The following SLC35F1 variants were observed in gnomAD, a reference collection of about 807,000 sequenced individuals.
SLC35F1 encodes the protein chromosome 6 open reading frame 169.
Under a neutral mutation model 48.7 loss-of-function variants are expected in SLC35F1, and 14 were observed. The observed-to-expected ratio is 0.29, with a 90% CI of 0.19 to 0.45. The LOEUF (loss-of-function observed/expected upper bound fraction) is 0.45. Ranked by LOEUF, SLC35F1 falls within the 20% of genes least tolerant of loss-of-function variation. SLC35F1 has a pLI of 1.00. For synonymous variants in SLC35F1, 190 were observed against 202.2 expected (o/e 0.94, Z 0.51); for missense variants, 404 against 500.0 (o/e 0.81, Z 1.83).
chr6:117,956,928 T>C (rs1241083711), intron 1 of SLC35F1, among the ~76,000 whole-genome samples: 1 of 152,176 alleles, frequency 6.6e-6, no homozygotes, highest in Non-Finnish European at 1.5e-5. Flanking sequence ...AAATGAAAGC[T>C]GAAAAAGGAG....
chr6:117,929,094 C>T (rs527696970), intron 1 of SLC35F1, among the ~76,000 whole-genome samples: 54 of 152,152 alleles, frequency 3.5e-4, no homozygotes, highest in South Asian at 6.2e-4. Flanking sequence ...ATCATGATTG[C>T]CTTTCTGACC....
rs1266421043 is a variant in SLC35F1 at position 118,117,133 on chromosome 6, G to A, written c.174-37312G>A. On this transcript the variant is annotated intron_variant, in intron 1 of 7. Coordinates refer to ENST00000360388, the MANE Select transcript of SLC35F1 (RefSeq NM_001029858.4). ...GCCCCACTCTTCTTTACCAAAATGA[G>A]ATGGTCATTCTGAGACCTGCAGCAG... 5.3e-5 allele frequency among the ~76,000 whole-genome samples: 8 copies of A among 152,294 alleles called. No individual in the cohort carries two copies. The East Asian group carries it at 1.5e-3, about 29-fold the overall frequency.
rs547308674 is a variant in SLC35F1, at chr6:118,159,969, T to C, written c.349+5349T>C. ...CTTCCCTTTCTTCTGCTACCATTTT[T>C]CCACATTCTTGTTTCTCTAATTCCT... On this transcript the variant is annotated intron_variant, in intron 2 of 7. Coordinates refer to ENST00000360388, the MANE Select transcript of SLC35F1 (RefSeq NM_001029858.4). Among the ~76,000 whole-genome samples the C allele has an allele frequency of 2.0e-5, 3 of 152,366 alleles. No individual in the cohort carries two copies. In the East Asian group the frequency reaches 5.8e-4, roughly 29 times the overall value.
At chr6:118,255,683 G>A (rs1238796430) in intron 3 of SLC35F1, among the ~76,000 whole-genome samples, 1 of 152,170 alleles carries the variant, frequency 6.6e-6, no homozygotes, top group African/African-American at 2.4e-5. Flanking sequence ...GGCACAAGGG[G>A]ACATATACAA....
intron 1 of SLC35F1, among the ~76,000 whole-genome samples, chr6:118,047,744 T>A (rs1317142804): frequency 6.6e-6 from 1 of 152,180 alleles, no homozygotes; most frequent in Non-Finnish European, 1.5e-5. Flanking sequence ...AGATGGTAAC[T>A]GTCCTCAAGG....
At chr6:118,255,757 A>G (rs1775633730) in intron 3 of SLC35F1, among the ~76,000 whole-genome samples, 1 of 152,198 alleles carries the variant, frequency 6.6e-6, no homozygotes, top group African/African-American at 2.4e-5. Context: ...ATTTTTCTAA[A>G]TCCAAAAAAA....
intron 1 of SLC35F1, among the ~76,000 whole-genome samples, chr6:118,112,198 G>A (rs1360914937): frequency 1.3e-5 from 2 of 150,308 alleles, no homozygotes; most frequent in Admixed American, 6.7e-5. Flanking sequence ...GCACGATCTC[G>A]GCTCACTGAA....
chr6:118,121,923 A>C (rs535891757), intron 1 of SLC35F1, among the ~76,000 whole-genome samples: 2 of 152,244 alleles, frequency 1.3e-5, no homozygotes, highest in African/African-American at 2.4e-5. Flanking sequence ...CACTCCCTAC[A>C]TTTGAATAAC....
chr6:118,227,129 C>G (rs771607610), intron 2 of SLC35F1, among the ~76,000 whole-genome samples: 2 of 152,186 alleles, frequency 1.3e-5, no homozygotes, highest in Non-Finnish European at 2.9e-5. Context: ...CCATCATGCT[C>G]AACTGCACAG....
chr6:118,072,763 G>C (rs1054381883), intron 1 of SLC35F1, among the ~76,000 whole-genome samples: 1 of 152,044 alleles, frequency 6.6e-6, no homozygotes, highest in African/African-American at 2.4e-5. Context: ...TTGTGTGGAG[G>C]GTTTTTATTT....
chr6:117,978,833 A>G (rs1387018557), intron 1 of SLC35F1, among the ~76,000 whole-genome samples: 1 of 152,092 alleles, frequency 6.6e-6, no homozygotes, highest in African/African-American at 2.4e-5. Context: ...CATTACTTAC[A>G]CTCCAAAATT....
intron 1 of SLC35F1, among the ~76,000 whole-genome samples, chr6:118,063,474 C>G (rs1772571982): frequency 6.6e-6 from 1 of 152,002 alleles, no homozygotes; most frequent in African/African-American, 2.4e-5. Context: ...AAAATGTATG[C>G]ATTTTTTTCT....
rs932831273 is a variant in SLC35F1 at position 118,069,079 on chromosome 6, AT to A, written c.174-85365del. ...TTGAGATAGTTAAGAGAATAAAAAA[AT>A]GATATAAAATGGTTTTCCTTTAACG... On this transcript the variant is annotated intron_variant, in intron 1 of 7. Coordinates refer to ENST00000360388, the MANE Select transcript of SLC35F1 (RefSeq NM_001029858.4). Among the ~76,000 whole-genome samples the A allele has an allele frequency of 5.3e-5, 8 of 152,340 alleles. No homozygotes were observed. In the South Asian group the frequency reaches 6.2e-4, roughly 12 times the overall value.
In SLC35F1 at chr6:118,104,126, T is replaced by TCCCTTTCCTTC. The variant is rs1421167690; in HGVS notation, c.174-50316_174-50306dup. 6.4e-3 allele frequency among the ~76,000 whole-genome samples: 972 copies of TCCCTTTCCTTC among 151,698 alleles called. 6 individuals are homozygous for TCCCTTTCCTTC. Among genetic ancestry groups the TCCCTTTCCTTC allele is most frequent in the Middle Eastern group, 0.014 (4 of 294 alleles). On this transcript the variant is annotated intron_variant, in intron 1 of 7. Transcript: ENST00000360388. ...TCCCTTCCCTTCCCTTCCCTTCCTT[T>TCCCTTTCCTTC]CCCTTTCCTTCCCTTCCCCTCCCTA...
At chr6:118,073,806 C>T (rs1392386076) in intron 1 of SLC35F1, among the ~76,000 whole-genome samples, 1 of 152,058 alleles carries the variant, frequency 6.6e-6, no homozygotes, top group African/African-American at 2.4e-5. Flanking sequence ...CATTTACCAC[C>T]TACTGATTTA....
chr6:117,913,296 A>T (rs1221192882), intron 1 of SLC35F1, among the ~76,000 whole-genome samples: 2 of 152,236 alleles, frequency 1.3e-5, no homozygotes, highest in Non-Finnish European at 2.9e-5. Flanking sequence ...ACATGAACAT[A>T]TACAGGTCTA....
chr6:118,008,371 G>C (rs760380264), intron 1 of SLC35F1, among the ~76,000 whole-genome samples: 1 of 152,178 alleles, frequency 6.6e-6, no homozygotes, highest in Non-Finnish European at 1.5e-5. Context: ...ACAGCAGGGG[G>C]CTTGAATTTG....
chr6:118,044,613 G>A (rs2114904798), intron 1 of SLC35F1, among the ~76,000 whole-genome samples: 1 of 152,176 alleles, frequency 6.6e-6, no homozygotes, highest in East Asian at 1.9e-4. Flanking sequence ...AGAGTGGTCA[G>A]TTGCATAGCT....
chr6:118,147,795 G>T (rs765320390), intron 1 of SLC35F1, among the ~76,000 whole-genome samples: 2 of 152,058 alleles, frequency 1.3e-5, no homozygotes. Flanking sequence ...ACTTCCTTGC[G>T]TCTTACTTGG....
Sources: gnomAD v4.1 joint callset for allele counts (sites outside exome capture counted in the v4.1 genomes callset) on GRCh38, gnomAD v4.1.1 for gene constraint, MANE v1.5 for transcripts, NCBI Gene and HGNC (gene_info 2026-07-23, HGNC 2026-07-21) for gene names.